The following KIAA0825 variants were observed in gnomAD, a reference collection of about 807,000 sequenced individuals.
The protein encoded by KIAA0825 is KIAA0825.
In KIAA0825, 119 loss-of-function variants were observed where a neutral mutation model predicts 147.6. The observed-to-expected ratio is 0.81, with a 90% CI of 0.69 to 0.94. The LOEUF is 0.94. Among genes scored for constraint, KIAA0825 ranks in the 40% least tolerant of loss-of-function variants. The pLI is 0.00. For missense variants in KIAA0825, 1,381 were observed against 1,472.7 expected, an observed-to-expected ratio of 0.94 and a Z score of 1.02; for synonymous variants, 470 against 518.1, an observed-to-expected ratio of 0.91 and a Z score of 1.26.
chr5:94,270,949 T>G (rs1001365692), intron 20 of KIAA0825, among the ~76,000 whole-genome samples: 17 of 152,170 alleles, frequency 1.1e-4, no homozygotes, highest in African/African-American at 3.9e-4. Flanking sequence ...TCCCCCAAAC[T>G]CTGCATTAAT....
At position 94,176,190 on chromosome 5, in the gene KIAA0825, A is replaced by T. The variant is rs369320368; in HGVS notation, c.3711-22066T>A. ...CTTGCAAGGGTGAGTTCTCACTCTCATTAGAATGGATTACTTCCCACAAGA... is the reference window on the plus strand; with the variant it reads ...CTTGCAAGGGTGAGTTCTCACTCTCTTTAGAATGGATTACTTCCCACAAGA... On this transcript the variant is annotated intron_variant, in intron 20 of 20. Coordinates refer to ENST00000682413, the MANE Select transcript of KIAA0825 (RefSeq NM_001145678.3). 4.0e-4 allele frequency among the ~76,000 whole-genome samples: 61 copies of T among 152,172 alleles called. 1 individual carries two copies. Among genetic ancestry groups the T allele is most frequent in the African/African-American group, 1.4e-3 (60 of 41,516 alleles).
chr5:94,553,458 A>G (rs1775929122), intron 2 of KIAA0825, among the ~76,000 whole-genome samples: 1 of 151,346 alleles, frequency 6.6e-6, no homozygotes, highest in Admixed American at 6.6e-5. Context: ...AAAGAAAAAA[A>G]AAAAGTAAAA....
At chr5:94,400,801 T>C (rs950240143) in intron 16 of KIAA0825, among the ~76,000 whole-genome samples, 1 of 152,206 alleles carries the variant, frequency 6.6e-6, no homozygotes, top group Non-Finnish European at 1.5e-5. Context: ...TAATCTTTAT[T>C]GTAATATTTA....
chr5:94,178,671 A>T (rs1769328470), intron 20 of KIAA0825, among the ~76,000 whole-genome samples: 1 of 152,098 alleles, frequency 6.6e-6, no homozygotes, highest in South Asian at 2.1e-4. Context: ...TAAAATTCTT[A>T]GGCTACCAAT....
intron 20 of KIAA0825, among the ~76,000 whole-genome samples, chr5:94,191,423 C>T (rs1303274239): frequency 6.6e-6 from 1 of 152,070 alleles, no homozygotes; most frequent in African/African-American, 2.4e-5. Flanking sequence ...AGAAAATAGT[C>T]TCCATAAAAA....
chr5:94,470,317 G>A (rs929829257), intron 9 of KIAA0825, among the ~76,000 whole-genome samples: 3 of 151,686 alleles, frequency 2.0e-5, no homozygotes, highest in Non-Finnish European at 2.9e-5. Flanking sequence ...CTTTGAAAAC[G>A]TACATCTGCT....
intron 18 of KIAA0825, among the ~76,000 whole-genome samples, chr5:94,387,409 C>A (rs568395738): frequency 2.7e-4 from 41 of 152,168 alleles, no homozygotes; most frequent in African/African-American, 8.9e-4. Context: ...AATGAGCATT[C>A]CCAGCTGGGT....
intron 20 of KIAA0825, among the ~76,000 whole-genome samples, chr5:94,280,652 A>G (rs181450093): frequency 1.4e-4 from 21 of 152,168 alleles, no homozygotes; most frequent in Non-Finnish European, 2.2e-4. Flanking sequence ...CTGATGCTCA[A>G]ATAGCTGCTG....
chr5:94,546,742 C>G lies in KIAA0825; in HGVS notation c.-1-9615G>C, dbSNP rs147121109. Among the ~76,000 whole-genome samples, 682 of 148,068 alleles carry G rather than the reference C, an allele frequency of 4.6e-3. 7 individuals are homozygous for G. The highest frequency in any genetic ancestry group is 4.3e-3 in the Non-Finnish European group (293 of 67,530). Reference sequence around the variant, plus strand: ...CCAACAAAGACAGGCACAAACAAGCCCAGCCTGTGAAGACTACAATAAATA... The same window carrying G: ...CCAACAAAGACAGGCACAAACAAGCGCAGCCTGTGAAGACTACAATAAATA... On this transcript the variant is annotated intron_variant, in intron 2 of 20. Coordinates refer to ENST00000682413, the MANE Select transcript of KIAA0825 (RefSeq NM_001145678.3).
At chr5:94,511,274 T>C (rs544661069) in intron 5 of KIAA0825, among the ~76,000 whole-genome samples, 1 of 152,178 alleles carries the variant, frequency 6.6e-6, no homozygotes, top group Admixed American at 6.5e-5. Context: ...GACTATGGTA[T>C]TTTTGTTATA....
At chr5:94,547,680 T>C (rs1774693870) in intron 2 of KIAA0825, among the ~76,000 whole-genome samples, 2 of 144,508 alleles carry the variant, frequency 1.4e-5, no homozygotes, top group South Asian at 4.3e-4. Flanking sequence ...GAGGTTGCAG[T>C]GAGCCAAGAT....
chr5:94,593,922 T>A, intron 1 of KIAA0825: 1 of 434,358 alleles, frequency 2.3e-6, no homozygotes, highest in Non-Finnish European at 4.6e-6. Context: ...ATATCCAGAA[T>A]TGAAGCAGTT....
intron 20 of KIAA0825, among the ~76,000 whole-genome samples, chr5:94,324,042 G>A (rs1270874424): frequency 6.6e-6 from 1 of 151,958 alleles, no homozygotes; most frequent in Non-Finnish European, 1.5e-5. Context: ...GCTAAATCAG[G>A]AGGCATTGAT....
chr5:94,503,960 A>T (rs1351949526), intron 5 of KIAA0825, among the ~76,000 whole-genome samples: 3 of 152,088 alleles, frequency 2.0e-5, no homozygotes, highest in African/African-American at 7.2e-5. Flanking sequence ...GAAGCCTATG[A>T]CTCCAGCCTG....
chr5:94,430,456 T>C (rs1177479029), intron 14 of KIAA0825, among the ~76,000 whole-genome samples: 2 of 152,176 alleles, frequency 1.3e-5, no homozygotes, highest in African/African-American at 2.4e-5. Flanking sequence ...TTAAAAACAA[T>C]AGACTTTCAA....
At chr5:94,399,586 G>C (rs1343824635) in intron 16 of KIAA0825, among the ~76,000 whole-genome samples, 2 of 151,972 alleles carry the variant, frequency 1.3e-5, no homozygotes, top group Non-Finnish European at 2.9e-5. Flanking sequence ...CAACACACCA[G>C]GGAAGGATCT....
chr5:94,372,493 A>G (rs926757260), intron 20 of KIAA0825, among the ~76,000 whole-genome samples: 1 of 152,190 alleles, frequency 6.6e-6, no homozygotes, highest in Non-Finnish European at 1.5e-5. Context: ...AACCACGTGG[A>G]AGCTGCCAAG....
intron 20 of KIAA0825, among the ~76,000 whole-genome samples, chr5:94,173,499 C>G (rs1768819620): frequency 6.6e-6 from 1 of 152,152 alleles, no homozygotes; most frequent in Non-Finnish European, 1.5e-5. Flanking sequence ...ATGGCCTGGG[C>G]TTCCTCATAA....
chr5:94,346,493 G>C (rs576825313), intron 20 of KIAA0825, among the ~76,000 whole-genome samples: 1 of 152,280 alleles, frequency 6.6e-6, no homozygotes, highest in Non-Finnish European at 1.5e-5. Context: ...CCCCAAAACT[G>C]TGAGTGCCCC....
Sources: allele counts gnomAD v4.1 joint callset (sites outside exome capture counted in the v4.1 genomes callset), GRCh38; gene constraint gnomAD v4.1.1; transcripts MANE v1.5; gene names NCBI Gene and HGNC (gene_info 2026-07-23, HGNC 2026-07-21).